FSTL5: variants seen among roughly 807,000 people sequenced by gnomAD.
FSTL5 encodes follistatin like 5.
In FSTL5, 62 loss-of-function variants were observed where a neutral mutation model predicts 89.1. That is an observed-to-expected ratio of 0.70 (90% confidence interval 0.57 to 0.86). The LOEUF is 0.86. Ranked by LOEUF, FSTL5 falls within the 40% of genes least tolerant of loss-of-function variation. The pLI is 0.00. For missense variants in FSTL5, 1,057 were observed against 1,001.6 expected (o/e 1.06, Z -0.75); for synonymous variants, 383 against 346.2 (o/e 1.11, Z -1.18).
chr4:161,902,787 T>G (rs1733408233), intron 4 of FSTL5, among the ~76,000 whole-genome samples: 1 of 152,064 alleles, frequency 6.6e-6, no homozygotes, highest in Non-Finnish European at 1.5e-5. Flanking sequence ...AGGCGGAGCT[T>G]GCAGTGAGCC....
At chr4:162,022,359 A>C (rs2111161218) in intron 3 of FSTL5, among the ~76,000 whole-genome samples, 1 of 152,004 alleles carries the variant, frequency 6.6e-6, no homozygotes, top group African/African-American at 2.4e-5. Context: ...ATATATTAAT[A>C]TTGTATATTA....
intron 7 of FSTL5, among the ~76,000 whole-genome samples, chr4:161,636,460 C>CTTTTTTTTTTTTTTTTTT (rs67780564): frequency 1.7e-5 from 2 of 121,078 alleles, no homozygotes; most frequent in Non-Finnish European, 3.5e-5. Context: ...TTTTTTTTTT[C>CTTTTTTTTTTTTTTTTTT]TTTTTTTTTT....
At position 162,123,880 on chromosome 4, in the gene FSTL5, C is replaced by A. The variant is rs1375462383; in HGVS notation, c.-16-12468G>T. Among the ~76,000 whole-genome samples, 8 of 147,000 alleles carry A rather than the reference C, an allele frequency of 5.4e-5. No individual in the cohort carries two copies. The East Asian group carries it at 1.2e-3, about 22-fold the overall frequency. The stretch of plus-strand genomic sequence containing the variant: ...TCAGATTTTGAAAGAAAAAAAAAAA[C>A]TGAAGAAAGGTGAAAAGAAAGCAGC... On this transcript the variant is annotated intron_variant, in intron 1 of 15. Transcript: ENST00000306100.
At chr4:161,964,902 T>A (rs1205893516) in intron 3 of FSTL5, among the ~76,000 whole-genome samples, 1 of 152,058 alleles carries the variant, frequency 6.6e-6, no homozygotes, top group Non-Finnish European at 1.5e-5. Context: ...TATAATAATT[T>A]ATTTATAACA....
At chr4:161,504,175 C>T (rs892171847) in intron 11 of FSTL5, among the ~76,000 whole-genome samples, 1 of 151,866 alleles carries the variant, frequency 6.6e-6, no homozygotes, top group Non-Finnish European at 1.5e-5. Flanking sequence ...TTTATTAGGG[C>T]TATTTTAACA....
chr4:161,916,641 G>C (rs1435100794), intron 4 of FSTL5, among the ~76,000 whole-genome samples: 1 of 151,948 alleles, frequency 6.6e-6, no homozygotes, highest in African/African-American at 2.4e-5. Context: ...ATGTGAATAG[G>C]AATAAATTAG....
chr4:161,476,189 G>GTTT (rs1241724019), intron 13 of FSTL5, among the ~76,000 whole-genome samples: 2 of 106,892 alleles, frequency 1.9e-5, no homozygotes, highest in Non-Finnish European at 3.4e-5. Context: ...TTTTTTTTTT[G>GTTT]TTTGTTTGTT....
chr4:161,491,170 T>C (rs1001096618), intron 12 of FSTL5, among the ~76,000 whole-genome samples: 11 of 151,960 alleles, frequency 7.2e-5, no homozygotes, highest in Admixed American at 5.3e-4. Flanking sequence ...TTTTTCAGAG[T>C]AAGAACTTGA....
At chr4:161,728,304 TCTAGCCA>T (rs1223527224) in intron 6 of FSTL5, among the ~76,000 whole-genome samples, 4 of 152,140 alleles carry the variant, frequency 2.6e-5, no homozygotes, top group African/African-American at 9.7e-5. Context: ...ACACTCAATA[TCTAGCCA>T]GCTGGTTAAA....
chr4:161,407,218 T>C (rs1731416406), intron 15 of FSTL5, among the ~76,000 whole-genome samples: 2 of 152,200 alleles, frequency 1.3e-5, no homozygotes, highest in African/African-American at 4.8e-5. Flanking sequence ...AACAATGCCC[T>C]CTAGAATCTC....
chr4:161,635,224 T>C (rs936404634), intron 7 of FSTL5, among the ~76,000 whole-genome samples: 1 of 151,848 alleles, frequency 6.6e-6, no homozygotes, highest in Non-Finnish European at 1.5e-5. Flanking sequence ...CTATCTCTAT[T>C]AAAAATACAA....
intron 3 of FSTL5, among the ~76,000 whole-genome samples, chr4:162,004,182 A>G (rs1267908995): frequency 6.6e-6 from 1 of 152,166 alleles, no homozygotes; most frequent in Non-Finnish European, 1.5e-5. Context: ...ACAACTTCAA[A>G]CACCCCAAAC....
At chr4:162,003,250 C>CCATTA (rs150436509) in intron 3 of FSTL5, among the ~76,000 whole-genome samples, 15,045 of 152,168 alleles carry the variant, frequency 0.099, 842 homozygotes, top group East Asian at 0.15. Context: ...CCTTACATTT[C>CCATTA]CATTACATTT....
intron 2 of FSTL5, among the ~76,000 whole-genome samples, chr4:162,075,838 A>G (rs1729816544): frequency 6.6e-6 from 1 of 151,886 alleles, no homozygotes; most frequent in Non-Finnish European, 1.5e-5. Flanking sequence ...AGGCTGTCAC[A>G]ACTGTGTCAG....
At chr4:161,518,328 G>A (rs139287660) in intron 10 of FSTL5, among the ~76,000 whole-genome samples, 25 of 152,196 alleles carry the variant, frequency 1.6e-4, no homozygotes, top group African/African-American at 5.1e-4. Context: ...AATGACACTT[G>A]GAAAGCAGAG....
chr4:162,158,884 G>T (rs1225323107), intron 1 of FSTL5, among the ~76,000 whole-genome samples: 3 of 151,992 alleles, frequency 2.0e-5, no homozygotes, highest in Non-Finnish European at 4.4e-5. Context: ...AAGACCAAAT[G>T]ATACCAATAG....
At chr4:161,549,168 A>G (rs572742003) in intron 8 of FSTL5, among the ~76,000 whole-genome samples, 1 of 151,916 alleles carries the variant, frequency 6.6e-6, no homozygotes, top group Admixed American at 6.6e-5. Context: ...GATTGAGACA[A>G]ATGAAGATTT....
intron 8 of FSTL5, among the ~76,000 whole-genome samples, chr4:161,546,899 C>A (rs1257504616): frequency 1.3e-5 from 2 of 151,950 alleles, no homozygotes; most frequent in African/African-American, 2.4e-5. Flanking sequence ...ACTAACTGTT[C>A]TCACTTTACA....
At chr4:162,042,965 A>AG (rs1222612859) in intron 2 of FSTL5, among the ~76,000 whole-genome samples, 1 of 92,704 alleles carries the variant, frequency 1.1e-5, no homozygotes, top group African/African-American at 4.2e-5. Flanking sequence ...GGGAGGGGGG[A>AG]GGGATAGCAT....
Sources: gnomAD v4.1 joint callset for allele counts (sites outside exome capture counted in the v4.1 genomes callset) on GRCh38, gnomAD v4.1.1 for gene constraint, MANE v1.5 for transcripts, NCBI Gene and HGNC (gene_info 2026-07-23, HGNC 2026-07-21) for gene names.